The following CSMD1 variants were observed in gnomAD, a reference collection of about 807,000 sequenced individuals.
The protein encoded by CSMD1 is CUB and sushi domain-containing protein 1.
CSMD1 carries 213 observed loss-of-function variants against 417.5 expected under a neutral mutation model. That is an observed-to-expected ratio of 0.51 (90% confidence interval 0.46 to 0.57). The LOEUF is 0.57. Ranked by LOEUF, CSMD1 falls within the 20% of genes least tolerant of loss-of-function variation. The pLI is 0.00. For missense variants in CSMD1, 6,923 were observed against 4,529.7 expected, an observed-to-expected ratio of 1.53 and a Z score of -15.17; for synonymous variants, 2,862 against 1,736.8, an observed-to-expected ratio of 1.65 and a Z score of -16.11.
chr8:2,951,192 C>A lies in CSMD1; in HGVS notation c.10123G>T (p.Val3375Phe). 1 of 1,613,568 alleles carries A rather than the reference C, an allele frequency of 6.2e-7. No individual in the cohort carries two copies. Among genetic ancestry groups the A allele is most frequent in the Non-Finnish European group, 8.5e-7 (1 of 1,179,662 alleles). ...CTGCTTGTTGCATTGAACCAGTCAACAGTTAGAGTGGCGGGTTGTCTTTTC... is the reference window on the plus strand; with the variant it reads ...CTGCTTGTTGCATTGAACCAGTCAAAAGTTAGAGTGGCGGGTTGTCTTTTC... The part of the protein sequence containing the change: ...LGKRQPATLT[V>F]DWFNATSSKV... Residue 3375 changes from valine (V) to phenylalanine (F), a missense_variant, in exon 66 of 70, where the codon GTT becomes TTT. Val to Phe is a conservative substitution (Grantham distance 50). Transcript: ENST00000635120.
Position 3,032,175 on chromosome 8 carries a change from G to C in CSMD1, c.7661-2662C>G, listed in dbSNP as rs554609429. Reference sequence around the variant, plus strand: ...TTGTCCTTTGTTAACTGAAGGATGAGAGTGGAAGAGTGGAGATTTCCAGAA... The same window carrying C: ...TTGTCCTTTGTTAACTGAAGGATGACAGTGGAAGAGTGGAGATTTCCAGAA... On this transcript the variant is annotated intron_variant, in intron 50 of 69. Transcript: ENST00000635120. Among the ~76,000 whole-genome samples, 9 of 152,042 alleles carry C rather than the reference G, an allele frequency of 5.9e-5. 1 individual carries two copies. Among genetic ancestry groups the C allele is most frequent in the South Asian group, 2.1e-4 (1 of 4,810 alleles).
At chr8:3,799,844 T>A (rs1800362890) in intron 5 of CSMD1, among the ~76,000 whole-genome samples, 2 of 152,130 alleles carry the variant, frequency 1.3e-5, no homozygotes, top group Non-Finnish European at 2.9e-5. Flanking sequence ...GAGGCTAGGT[T>A]TTGGAAGATC....
intron 3 of CSMD1, among the ~76,000 whole-genome samples, chr8:4,225,517 T>TA (rs1025523445): frequency 7.9e-5 from 12 of 151,934 alleles, no homozygotes; most frequent in Non-Finnish European, 1.8e-4. Context: ...TTTTTTTTTT[T>TA]TTATTCCTTT....
chr8:4,639,678 T>C (rs1328721633), intron 1 of CSMD1, among the ~76,000 whole-genome samples: 1 of 152,208 alleles, frequency 6.6e-6, no homozygotes, highest in Non-Finnish European at 1.5e-5. Flanking sequence ...TCTCAGCTCT[T>C]ATTGTTAAAG....
At chr8:4,269,134 G>A (rs1372007676) in intron 3 of CSMD1, among the ~76,000 whole-genome samples, 1 of 152,162 alleles carries the variant, frequency 6.6e-6, no homozygotes, top group Non-Finnish European at 1.5e-5. Flanking sequence ...TTGGCTCACT[G>A]AAATCTCTGT....
chr8:3,394,416 A>C (rs2116846168), intron 17 of CSMD1, among the ~76,000 whole-genome samples: 1 of 152,002 alleles, frequency 6.6e-6, no homozygotes, highest in Non-Finnish European at 1.5e-5. Context: ...GACTTGGATA[A>C]ACAAATGAAA....
chr8:4,916,977 T>C (rs1004712018), intron 1 of CSMD1, among the ~76,000 whole-genome samples: 3 of 152,192 alleles, frequency 2.0e-5, no homozygotes, highest in African/African-American at 7.2e-5. Context: ...CAGGGTTCAG[T>C]AGGTGTATTA....
At chr8:4,236,613 C>A (rs1218743386) in intron 3 of CSMD1, among the ~76,000 whole-genome samples, 2 of 152,108 alleles carry the variant, frequency 1.3e-5, no homozygotes, top group African/African-American at 4.8e-5. Flanking sequence ...AGGTTCTAAA[C>A]CTACCTCTTA....
At chr8:4,352,744 T>G (rs141756902) in intron 3 of CSMD1, among the ~76,000 whole-genome samples, 24 of 152,092 alleles carry the variant, frequency 1.6e-4, no homozygotes, top group Non-Finnish European at 3.4e-4. Flanking sequence ...GATTTAAGAG[T>G]CATTTGATGG....
intron 6 of CSMD1, among the ~76,000 whole-genome samples, chr8:3,752,468 A>G (rs1797390916): frequency 6.6e-6 from 1 of 152,068 alleles, no homozygotes; most frequent in African/African-American, 2.4e-5. Flanking sequence ...CAGCCTGGCC[A>G]ACATGGCGAA....
intron 3 of CSMD1, among the ~76,000 whole-genome samples, chr8:4,206,196 T>C (rs553728072): frequency 1.4e-5 from 2 of 147,974 alleles, no homozygotes; most frequent in South Asian, 2.1e-4. Flanking sequence ...TGAGGATTTC[T>C]TTTTCTTTTT....
intron 37 of CSMD1, among the ~76,000 whole-genome samples, chr8:3,172,422 G>C (rs1585549895): frequency 6.6e-6 from 1 of 152,124 alleles, no homozygotes; most frequent in East Asian, 1.9e-4. Flanking sequence ...CTGCATCTCA[G>C]AACCCCGCCA....
chr8:4,756,139 A>G (rs1811653525), intron 1 of CSMD1, among the ~76,000 whole-genome samples: 1 of 152,212 alleles, frequency 6.6e-6, no homozygotes, highest in African/African-American at 2.4e-5. Context: ...CATATTCTGT[A>G]TCAATTAAAC....
chr8:3,442,980 T>C (rs1355636379), intron 12 of CSMD1, among the ~76,000 whole-genome samples: 2 of 152,202 alleles, frequency 1.3e-5, no homozygotes, highest in African/African-American at 2.4e-5. Flanking sequence ...ATTTAAATCA[T>C]TAAAATTGTC....
chr8:4,233,549 C>A (rs1159190697), intron 3 of CSMD1, among the ~76,000 whole-genome samples: 1 of 152,124 alleles, frequency 6.6e-6, no homozygotes, highest in African/African-American at 2.4e-5. Context: ...TCACACCTTC[C>A]ACTGTCTGAG....
chr8:3,044,824 G>A (rs1157408499), intron 50 of CSMD1, among the ~76,000 whole-genome samples: 2 of 152,122 alleles, frequency 1.3e-5, no homozygotes, highest in Non-Finnish European at 2.9e-5. Context: ...GAGATTCAGT[G>A]TACTGATCTA....
At chr8:3,222,928 C>G (rs1282234015) in intron 28 of CSMD1, among the ~76,000 whole-genome samples, 1 of 152,122 alleles carries the variant, frequency 6.6e-6, no homozygotes, top group Non-Finnish European at 1.5e-5. Flanking sequence ...ACATAAAGAT[C>G]TGCAGAAAAG....
intron 1 of CSMD1, among the ~76,000 whole-genome samples, chr8:4,860,800 C>A (rs1259397613): frequency 2.6e-5 from 4 of 152,242 alleles, no homozygotes; most frequent in African/African-American, 9.6e-5. Context: ...CAAATTGCAA[C>A]TTCCTGTAAT....
chr8:4,372,433 A>T (rs1046525434), intron 3 of CSMD1, among the ~76,000 whole-genome samples: 1 of 152,110 alleles, frequency 6.6e-6, no homozygotes, highest in Admixed American at 6.5e-5. Context: ...ATTTTTGTAT[A>T]CCATGAATTA....
Sources: allele counts gnomAD v4.1 joint callset (sites outside exome capture counted in the v4.1 genomes callset), GRCh38; gene constraint gnomAD v4.1.1; transcripts MANE v1.5; gene names NCBI Gene and HGNC (gene_info 2026-07-23, HGNC 2026-07-21).